Variants in ENAH observed in about 807,000 individuals in gnomAD.
The protein encoded by ENAH is protein enabled homolog.
Under a neutral mutation model 78.7 loss-of-function variants are expected in ENAH, and 23 were observed. The ratio of observed to expected loss-of-function variants is 0.29; its 90% CI spans 0.21 to 0.41. ENAH has a LOEUF of 0.41. Ranked by LOEUF, ENAH falls within the 10% of genes least tolerant of loss-of-function variation. The pLI, the probability that ENAH is intolerant of heterozygous loss-of-function variation, is 1.00. For synonymous variants in ENAH, 226 were observed against 241.0 expected (o/e 0.94, Z 0.58); for missense variants, 544 against 691.0 (o/e 0.79, Z 2.39).
At chr1:225,521,070 A>C (rs1372307365) in intron 4 of ENAH, among the ~76,000 whole-genome samples, 1 of 151,724 alleles carries the variant, frequency 6.6e-6, no homozygotes, top group Non-Finnish European at 1.5e-5. Flanking sequence ...ACACACACAC[A>C]GAGTTATCCT....
chr1:225,645,526 T>C (rs938715208), intron 1 of ENAH, among the ~76,000 whole-genome samples: 2 of 152,220 alleles, frequency 1.3e-5, no homozygotes, highest in African/African-American at 4.8e-5. Context: ...TGTGGACAAA[T>C]GTTTTCATTT....
At chr1:225,585,215 C>CAAAAAAA (rs58586397) in intron 1 of ENAH, among the ~76,000 whole-genome samples, 4 of 49,932 alleles carry the variant, frequency 8.0e-5, no homozygotes, top group African/African-American at 8.2e-5. Context: ...TACCCTGTCT[C>CAAAAAAA]AAAAAAAAAA....
rs899068252 is a variant in ENAH, at chr1:225,489,974, A to C, written c.*7801T>G. ...AATAATAATAATAACAATAATAATA[A>C]AAAGCTTTATCTATCCTTGCTTGTA... On this transcript the variant is annotated 3_prime_UTR_variant, in exon 14 of 14. Transcript: ENST00000366843. 6.6e-6 allele frequency: 1 copy of C among 152,138 alleles called. No individual in the cohort carries two copies. The highest frequency in any genetic ancestry group is 1.9e-4 in the East Asian group (1 of 5,196). 9.4% of individuals were successfully genotyped at this position (152,138 alleles called of 1,614,324 possible).
chr1:225,641,749 C>T (rs1012889200), intron 1 of ENAH, among the ~76,000 whole-genome samples: 2 of 150,824 alleles, frequency 1.3e-5, no homozygotes, highest in South Asian at 2.1e-4. Context: ...AGCTGGACGC[C>T]GTGGCTCACA....
intron 1 of ENAH, among the ~76,000 whole-genome samples, chr1:225,582,559 T>C (rs1426414974): frequency 1.1e-4 from 17 of 151,990 alleles, no homozygotes. Flanking sequence ...AAGGATAGAG[T>C]TCAGGGCAAT....
intron 2 of ENAH, among the ~76,000 whole-genome samples, chr1:225,559,280 A>G (rs1051041328): frequency 2.6e-5 from 4 of 152,162 alleles, no homozygotes; most frequent in Admixed American, 2.6e-4. Flanking sequence ...TTCTGCTGTG[A>G]CCATACACTT....
At chr1:225,599,839 A>AG (rs1263313294) in intron 1 of ENAH, among the ~76,000 whole-genome samples, 30 of 138,532 alleles carry the variant, frequency 2.2e-4, no homozygotes, top group Non-Finnish European at 2.5e-4. Context: ...CCTTTATTGG[A>AG]GGTGGGGCCT....
intron 1 of ENAH, among the ~76,000 whole-genome samples, chr1:225,637,972 T>G (rs1473519082): frequency 6.6e-6 from 1 of 152,150 alleles, no homozygotes; most frequent in African/African-American, 2.4e-5. Flanking sequence ...TTCAGAAGCT[T>G]GAACTTTATT....
chr1:225,637,953 A>C (rs1159869514), intron 1 of ENAH, among the ~76,000 whole-genome samples: 1 of 152,214 alleles, frequency 6.6e-6, no homozygotes, highest in East Asian at 1.9e-4. Flanking sequence ...CAAAAAGGGC[A>C]AAACAACATT....
chr1:225,512,962 A>G lies in ENAH; in HGVS notation c.1273T>C (p.Ser425Pro). The part of the protein sequence containing the change: ...GGNAIGVNSA[S>P]SKTDTGRGNG... ...CCACGGCCTGTATCTGTTTTAGATG[A>G]GGCGGAGTTCACACCAATAGCATTC... Residue 425 changes from serine to proline, a missense_variant, in exon 8 of 14, where the codon TCA becomes CCA. By Grantham distance (74) the Ser-to-Pro change is moderately conservative. Coordinates refer to ENST00000366843, the MANE Select transcript of ENAH (RefSeq NM_018212.6). The G allele has an allele frequency of 6.2e-7, 1 of 1,613,956 alleles. No individual in the cohort carries two copies. The highest frequency in any genetic ancestry group is 1.7e-5 in the Admixed American group (1 of 60,028).
At chr1:225,561,872 GCTCA>G (rs1323278618) in intron 2 of ENAH, among the ~76,000 whole-genome samples, 8 of 152,016 alleles carry the variant, frequency 5.3e-5, no homozygotes, top group East Asian at 2.0e-4. Context: ...TTGTGACCTC[GCTCA>G]CTATCTTATC....
At position 225,490,509 on chromosome 1, in the gene ENAH, A is replaced by T. The variant is rs143498561; in HGVS notation, c.*7266T>A. ...AATCCCTTTGAACCCAGGGGGGGGA[A>T]GTTGCAGTGAGCCGAGATCGCACCA... On this transcript the variant is annotated 3_prime_UTR_variant, in exon 14 of 14. Transcript: ENST00000366843. 1.3e-5 allele frequency: 2 copies of T among 151,900 alleles called. No homozygotes were observed. The highest frequency in any genetic ancestry group is 2.4e-5 in the African/African-American group (1 of 41,326). The allele number at this position is 151,900 out of a possible 1,614,324, so 9.4% of individuals were successfully genotyped here. A position where few individuals can be genotyped will look rare whatever the true frequency, so the allele number is the denominator to read the frequency against.
intron 3 of ENAH, among the ~76,000 whole-genome samples, chr1:225,549,907 C>A (rs2096633410): frequency 2.0e-5 from 3 of 152,176 alleles, no homozygotes; most frequent in Admixed American, 2.0e-4. Flanking sequence ...CTGAATTGAT[C>A]TTCATGCTTG....
rs370560463 is a variant in ENAH at position 225,509,730 on chromosome 1, T to C, written c.1472-1713A>G. Among the ~76,000 whole-genome samples, 42 of 152,314 alleles carry C rather than the reference T, an allele frequency of 2.8e-4. No individual in the cohort carries two copies. The East Asian group carries it at 6.9e-3, about 25-fold the overall frequency. The stretch of plus-strand genomic sequence containing the variant: ...CTCTTGATAATTTTATAAAAGGCTC[T>C]CAACATTTTTGTTTCTAACTCATAT... On this transcript the variant is annotated intron_variant, in intron 10 of 13. Coordinates refer to ENST00000366843, the MANE Select transcript of ENAH (RefSeq NM_018212.6).
At chr1:225,593,413 G>T (rs1433292262) in intron 1 of ENAH, among the ~76,000 whole-genome samples, 1,807 of 120,848 alleles carry the variant, frequency 0.015, 109 homozygotes, top group Middle Eastern at 0.036. Context: ...GGGGGGGGGG[G>T]GGGGTGGGGG....
chr1:225,619,739 T>C (rs1158703926), intron 1 of ENAH, among the ~76,000 whole-genome samples: 2 of 152,168 alleles, frequency 1.3e-5, no homozygotes, highest in African/African-American at 2.4e-5. Context: ...GAAATGCTTT[T>C]AAAACACAGC....
At chr1:225,638,772 A>C (rs1222307770) in intron 1 of ENAH, among the ~76,000 whole-genome samples, 1 of 152,224 alleles carries the variant, frequency 6.6e-6, no homozygotes, top group Non-Finnish European at 1.5e-5. Flanking sequence ...ATTGCATAGG[A>C]ATAATAGACC....
chr1:225,532,695 T>C (rs1558768639), intron 3 of ENAH, among the ~76,000 whole-genome samples: 2 of 152,146 alleles, frequency 1.3e-5, no homozygotes, highest in Non-Finnish European at 2.9e-5. Flanking sequence ...GAAAATCTTT[T>C]AGCAATTTAC....
rs967992756 is a variant in ENAH, at chr1:225,491,343, A to T, written c.*6432T>A. Reference sequence around the variant, plus strand: ...TTTTTAGTAGAGATGGGGTTTCATCATGTTGGCCAGGCTGGTCTCAAACTC... The same window carrying T: ...TTTTTAGTAGAGATGGGGTTTCATCTTGTTGGCCAGGCTGGTCTCAAACTC... On this transcript the variant is annotated 3_prime_UTR_variant, in exon 14 of 14. Transcript: ENST00000366843. 13 of 152,010 alleles carry T rather than the reference A, an allele frequency of 8.6e-5. No homozygotes were observed. The highest frequency in any genetic ancestry group is 3.1e-4 in the African/African-American group (13 of 41,374). The allele number at this position is 152,010 out of a possible 1,614,324, so 9.4% of individuals were successfully genotyped here.
Sources: allele counts gnomAD v4.1 joint callset (sites outside exome capture counted in the v4.1 genomes callset), GRCh38; gene constraint gnomAD v4.1.1; transcripts MANE v1.5; gene names NCBI Gene and HGNC (gene_info 2026-07-23, HGNC 2026-07-21).